Variants in FBXO36 observed in about 807,000 individuals in gnomAD.
FBXO36 encodes F-box protein 36.
FBXO36 carries 18 observed loss-of-function variants against 17.0 expected under a neutral mutation model. That is an observed-to-expected ratio of 1.06 (90% CI 0.73 to 1.57). The LOEUF (loss-of-function observed/expected upper bound fraction) is 1.57, where lower values mean the gene tolerates loss of function less well. Among genes scored for constraint, FBXO36 ranks in the 40% most tolerant of loss-of-function variants. The pLI is 0.00. For missense variants in FBXO36, 229 were observed against 221.9 expected (o/e 1.03, Z -0.20); for synonymous variants, 83 against 85.3 (o/e 0.97, Z 0.15).
intron 1 of FBXO36, among the ~76,000 whole-genome samples, chr2:229,938,771 T>TC (rs1459288686): frequency 6.5e-5 from 7 of 107,084 alleles, no homozygotes; most frequent in East Asian, 2.8e-4. Context: ...TTTTTTTTTT[T>TC]CCCCCGAGGC....
chr2:229,939,051 G>GTTTTTTTTTTTTTTTTTTTTTT (rs1475660449), intron 1 of FBXO36: 2 of 123,176 alleles, frequency 1.6e-5, no homozygotes, highest in African/African-American at 6.6e-5. Context: ...TTTTTGGTTT[G>GTTTTTTTTTTTTTTTTTTTTTT]TTTTTTGTTT....
At chr2:230,008,733 A>C (rs2077400159) in intron 3 of FBXO36, among the ~76,000 whole-genome samples, 1 of 152,214 alleles carries the variant, frequency 6.6e-6, no homozygotes, top group Admixed American at 6.5e-5. Flanking sequence ...TTTTAAAGGA[A>C]GGTCAAATGA....
At chr2:229,950,986 T>TGCA (rs1230964897) in intron 1 of FBXO36, among the ~76,000 whole-genome samples, 1 of 152,162 alleles carries the variant, frequency 6.6e-6, no homozygotes, top group Non-Finnish European at 1.5e-5. Context: ...CACACTGGAG[T>TGCA]GCAGTGTTGT....
At chr2:229,926,099 G>A (rs990147364) in intron 1 of FBXO36, among the ~76,000 whole-genome samples, 1 of 148,846 alleles carries the variant, frequency 6.7e-6, no homozygotes, top group African/African-American at 2.5e-5. Flanking sequence ...AGACCAGCCT[G>A]GGCAACATAG....
chr2:229,942,017 A>G (rs1439513683), intron 1 of FBXO36, among the ~76,000 whole-genome samples: 1 of 152,096 alleles, frequency 6.6e-6, no homozygotes, highest in East Asian at 1.9e-4. Flanking sequence ...CTCAGTCTAA[A>G]AAGAAAAAAA....
At chr2:229,962,061 T>A (rs2077124151) in intron 1 of FBXO36, among the ~76,000 whole-genome samples, 1 of 151,908 alleles carries the variant, frequency 6.6e-6, no homozygotes, top group Admixed American at 6.6e-5. Context: ...CATGCGCCTG[T>A]AATCCCAGCT....
At chr2:230,006,251 A>C (rs569641984) in intron 3 of FBXO36, among the ~76,000 whole-genome samples, 5 of 151,936 alleles carry the variant, frequency 3.3e-5, no homozygotes, top group Non-Finnish European at 7.4e-5. Flanking sequence ...GCATGCCACC[A>C]TGCCCAGCTA....
chr2:229,953,660 A>G (rs2077069076), intron 1 of FBXO36, among the ~76,000 whole-genome samples: 1 of 151,864 alleles, frequency 6.6e-6, no homozygotes, highest in African/African-American at 2.4e-5. Flanking sequence ...TGACAGAATG[A>G]TATCTTGTCT....
At position 229,996,793 on chromosome 2, in the gene FBXO36, T is replaced by C; in HGVS notation, c.248T>C (p.Val83Ala). 6.2e-7 allele frequency: 1 copy of C among 1,613,318 alleles called. No individual in the cohort carries two copies. Among genetic ancestry groups the C allele is most frequent in the Non-Finnish European group, 8.5e-7 (1 of 1,179,998 alleles). Reference protein sequence around the residue: ...LIFGARILDYVINLCKGKFDF... With the variant: ...LIFGARILDYAINLCKGKFDF... The stretch of plus-strand genomic sequence containing the variant: ...TTTGGTGCAAGAATATTAGACTATG[T>C]CATCAATTTGTGCAAAGGTAAATTT... The change falls in exon 3 of 4, where the codon GTC becomes GCC. Residue 83 changes from valine (V) to alanine (A), a missense_variant. Transcript: ENST00000283946.
chr2:229,973,141 A>T (rs1193495146), intron 1 of FBXO36, among the ~76,000 whole-genome samples: 1 of 151,970 alleles, frequency 6.6e-6, no homozygotes, highest in Non-Finnish European at 1.5e-5. Context: ...TCTTGGTCAA[A>T]GGGTATGGAT....
In FBXO36 at chr2:229,999,487, GTATATATATATGTATATA is replaced by G. The variant is rs1257227081; in HGVS notation, c.378+2580_378+2597del. Among the ~76,000 whole-genome samples, 622 of 146,844 alleles carry G rather than the reference GTATATATATATGTATATA, an allele frequency of 4.2e-3. 7 individuals carry two copies. The highest frequency in any genetic ancestry group is 0.014 in the African/African-American group (540 of 39,828). On this transcript the variant is annotated intron_variant, in intron 3 of 3. Transcript: ENST00000283946. ...ATTCCTTTTGAGAGTGTGTGTGTGT[GTATATATATATGTATATA>G]TATATATATATGTATGTGTATATAT...
At chr2:229,937,805 G>A (rs894717835) in intron 1 of FBXO36, 1 of 152,128 alleles carries the variant, frequency 6.6e-6, no homozygotes, top group Non-Finnish European at 1.5e-5. Flanking sequence ...AAGGGAAAGG[G>A]TGTCTCTTCT....
At chr2:229,928,742 A>G (rs572043956) in intron 1 of FBXO36, among the ~76,000 whole-genome samples, 2 of 152,212 alleles carry the variant, frequency 1.3e-5, no homozygotes, top group South Asian at 4.2e-4. Context: ...TTTCCTTGCA[A>G]AATTTTAAGG....
At chr2:229,980,880 T>A (rs1271507376) in intron 2 of FBXO36, among the ~76,000 whole-genome samples, 1 of 152,134 alleles carries the variant, frequency 6.6e-6, no homozygotes, top group Non-Finnish European at 1.5e-5. Context: ...GCAGCAGCAC[T>A]GTGATACCAA....
In FBXO36 at chr2:230,010,743, C is replaced by G. The variant is rs149438648; in HGVS notation, c.426C>G (p.Cys142Trp). The G allele has an allele frequency of 9.7e-5, 157 of 1,613,652 alleles. 1 individual carries two copies. The African/African-American group carries it at 2.0e-3, about 21-fold the overall frequency. ...KLWEQIVQST[C>W]DTITPDVRAL... is the part of the protein sequence containing the mutation. ...GGGAACAGATAGTCCAGTCGACCTGCGACACCATCACTCCTGACGTGAGGG... is the reference window on the plus strand; with the variant it reads ...GGGAACAGATAGTCCAGTCGACCTGGGACACCATCACTCCTGACGTGAGGG... Residue 142 changes from cysteine to tryptophan, a missense_variant, in exon 4 of 4, where the codon TGC (cysteine) becomes TGG (tryptophan). Transcript: ENST00000283946.
intron 2 of FBXO36, among the ~76,000 whole-genome samples, chr2:229,980,110 C>G (rs543632304): frequency 6.6e-6 from 1 of 152,016 alleles, no homozygotes; most frequent in African/African-American, 2.4e-5. Flanking sequence ...GGCAGTGGCA[C>G]GATCTCAGCT....
intron 1 of FBXO36, among the ~76,000 whole-genome samples, chr2:229,949,651 C>T (rs188355121): frequency 5.3e-5 from 8 of 152,274 alleles, no homozygotes; most frequent in African/African-American, 1.9e-4. Flanking sequence ...CTTTGCCAGG[C>T]ATGGTGGCTC....
intron 1 of FBXO36, among the ~76,000 whole-genome samples, chr2:229,945,436 A>G (rs2077021816): frequency 6.6e-6 from 1 of 152,022 alleles, no homozygotes; most frequent in African/African-American, 2.4e-5. Flanking sequence ...CCTCCCGAGT[A>G]GCTGGGAGTA....
chr2:229,945,536 C>T (rs2106167371), intron 1 of FBXO36, among the ~76,000 whole-genome samples: 1 of 151,604 alleles, frequency 6.6e-6, no homozygotes, highest in South Asian at 2.1e-4. Flanking sequence ...AAACTCCCGA[C>T]CTCAGGTGAT....
Sources: gnomAD v4.1 joint callset for allele counts (sites outside exome capture counted in the v4.1 genomes callset) on GRCh38, gnomAD v4.1.1 for gene constraint, MANE v1.5 for transcripts, NCBI Gene and HGNC (gene_info 2026-07-23, HGNC 2026-07-21) for gene names.